FOXP4: variants seen among roughly 807,000 people sequenced by gnomAD.
FOXP4 encodes forkhead box protein P4.
In FOXP4, 25 loss-of-function variants were observed where a neutral mutation model predicts 82.6. That is an observed-to-expected ratio of 0.30 (90% confidence interval 0.22 to 0.42). FOXP4 has a LOEUF of 0.42. Ranked by LOEUF, FOXP4 falls within the 10% of genes least tolerant of loss-of-function variation. FOXP4 has a pLI of 1.00. For missense variants in FOXP4, 785 were observed against 900.9 expected (o/e 0.87, Z 1.65); for synonymous variants, 415 against 388.2 (o/e 1.07, Z -0.81).
chr6:41,580,067 T>TG (rs1765711530), intron 3 of FOXP4, among the ~76,000 whole-genome samples: 1 of 139,008 alleles, frequency 7.2e-6, no homozygotes, highest in South Asian at 2.2e-4. Flanking sequence ...TTTTTTGAGA[T>TG]GGAGTCTCTT....
rs1283962639 is a variant in FOXP4, at chr6:41,570,195, T to C, written c.204+4231T>C. On this transcript the variant is annotated intron_variant, in intron 2 of 16. Transcript: ENST00000307972. ...ACTGCTGGCTGTGTGCCCCAGATTC[T>C]ACTGTTTCCTGTCTGATCCCACACC... 1.7e-5 allele frequency: 7 copies of C among 415,196 alleles called. No individual in the cohort carries two copies. In the East Asian group the frequency reaches 5.1e-4, roughly 30 times the overall value. The allele number at this position is 415,196 out of a possible 1,614,324, so 25.7% of individuals were successfully genotyped here.
intron 3 of FOXP4, among the ~76,000 whole-genome samples, chr6:41,584,517 C>T (rs1765983395): frequency 2.0e-5 from 3 of 152,236 alleles, no homozygotes; most frequent in Non-Finnish European, 4.4e-5. Context: ...TTTAAGTATT[C>T]ACTGATTAGT....
intron 5 of FOXP4, among the ~76,000 whole-genome samples, chr6:41,586,782 GTGTT>G (rs1275563271): frequency 6.6e-6 from 1 of 152,212 alleles, no homozygotes; most frequent in Non-Finnish European, 1.5e-5. Context: ...CTGGCTGTGT[GTGTT>G]TGCGCGCGTG....
rs1386450589 is a variant in FOXP4, at chr6:41,597,941, C to T, written c.1886C>T (p.Pro629Leu). Residue 629 changes from proline to leucine, a missense_variant, in exon 16 of 17, where the codon CCC (proline) becomes CTC (leucine). This residue lies in a region of FOXP4 where 184 missense variants were observed against 187.3 expected (regional missense o/e 0.98). Coordinates refer to ENST00000307972, the MANE Select transcript of FOXP4 (RefSeq NM_001012426.2). The stretch of plus-strand genomic sequence containing the variant: ...AGCAGCCCTCCTCGCCTCTCCCCGC[C>T]CCAGTACAGGTGAGCACACAGCACG... ...GSSSPPRLSP[P>L]QYSHQVQVKE... 1.3e-5 allele frequency: 20 copies of T among 1,545,308 alleles called. No homozygotes were observed. The highest frequency in any genetic ancestry group is 1.7e-5 in the Non-Finnish European group (20 of 1,152,384).
chr6:41,582,012 G>A (rs542199903), intron 3 of FOXP4, among the ~76,000 whole-genome samples: 3 of 152,362 alleles, frequency 2.0e-5, no homozygotes, highest in African/African-American at 7.2e-5. Flanking sequence ...TCTCACAGCA[G>A]TGAGAATGAG....
chr6:41,570,562 C>A (rs73733281), intron 2 of FOXP4, among the ~76,000 whole-genome samples: 4,394 of 152,126 alleles, frequency 0.029, 206 homozygotes, highest in African/African-American at 0.097. Context: ...GGGGCTGGGG[C>A]CTGGAGGAGG....
At position 41,590,161 on chromosome 6, in the gene FOXP4, A is replaced by G. The variant is rs774237066; in HGVS notation, c.1348A>G (p.Ile450Val). 7 of 1,605,762 alleles carry G rather than the reference A, an allele frequency of 4.4e-6. No individual in the cohort carries two copies. The highest frequency in any genetic ancestry group is 5.1e-6 in the Non-Finnish European group (6 of 1,174,294). Reference protein sequence around the residue: ...RRSSDKFCSPISSELAQNHEF... With the variant: ...RRSSDKFCSPVSSELAQNHEF... ...AAGCAGTGACAAGTTCTGCTCCCCC[A>G]TCTCCTCAGGTGAGGGTGGGCTGGG... is the stretch of plus-strand genomic sequence containing the variant. Residue 450 changes from isoleucine to valine, a missense_variant, in exon 11 of 17, where the codon ATC becomes GTC. Physicochemically the swap from Ile to Val is conservative, Grantham distance 29. This residue lies in a region of FOXP4 where 570 missense variants were observed against 634.0 expected (regional missense o/e 0.90). Transcript: ENST00000307972.
At chr6:41,574,038 A>G (rs2127367019) in intron 2 of FOXP4, among the ~76,000 whole-genome samples, 1 of 152,180 alleles carries the variant, frequency 6.6e-6, no homozygotes, top group Middle Eastern at 3.4e-3. Flanking sequence ...GTTTTCCATA[A>G]TGGCTTCTTC....
intron 1 of FOXP4, among the ~76,000 whole-genome samples, chr6:41,547,842 G>C (rs1355137287): frequency 2.7e-5 from 4 of 145,466 alleles, no homozygotes; most frequent in Non-Finnish European, 4.4e-5. Flanking sequence ...CTCTCTGACC[G>C]GCGGCGCTTC....
intron 12 of FOXP4, among the ~76,000 whole-genome samples, chr6:41,590,953 C>A (rs373120994): frequency 2.6e-5 from 4 of 152,222 alleles, no homozygotes; most frequent in African/African-American, 9.7e-5. Flanking sequence ...CATTTTCTCT[C>A]CAGAAGCAGC....
chr6:41,585,259 C>T (rs563947440), intron 4 of FOXP4, among the ~76,000 whole-genome samples, 172 bp from the exon 5 acceptor site: 1 of 152,170 alleles, frequency 6.6e-6, no homozygotes, highest in Non-Finnish European at 1.5e-5. Context: ...ATCCCTTGCT[C>T]CCTCCCTCCG....
intron 5 of FOXP4, 36 bp downstream of exon 5, chr6:41,585,553 C>A: frequency 6.3e-7 from 1 of 1,591,592 alleles, no homozygotes; most frequent in Non-Finnish European, 8.6e-7. Flanking sequence ...ACCGCCCTCA[C>A]CCCCTGCCCA....
At chr6:41,597,675 G>T (rs1025640262) in intron 15 of FOXP4, 106 bp from the exon 16 acceptor site, 15 of 1,391,688 alleles carry the variant, frequency 1.1e-5, no homozygotes, top group Middle Eastern at 4.5e-4. Flanking sequence ...GGGCCAGTAG[G>T]CAGACACACA....
intron 3 of FOXP4, among the ~76,000 whole-genome samples, chr6:41,578,865 C>T (rs1765646306): frequency 6.6e-6 from 1 of 152,088 alleles, no homozygotes; most frequent in African/African-American, 2.4e-5. Context: ...CTCCCCCCAC[C>T]CCTCCCCCAG....
At chr6:41,586,936 G>C in intron 5 of FOXP4, 73 bp from the exon 6 acceptor site, 1 of 1,489,120 alleles carries the variant, frequency 6.7e-7, no homozygotes. Flanking sequence ...GGGTGGCCGC[G>C]GGGTGGGGGC....
chr6:41,594,468 C>G lies in FOXP4; in HGVS notation c.1537-402C>G, dbSNP rs184055985. Reference sequence around the variant, plus strand: ...CAGCTGAGATGAAGCATCCTGGGCTCGCAGAGATGCCGGGGCCCGAATGTG... The same window carrying G: ...CAGCTGAGATGAAGCATCCTGGGCTGGCAGAGATGCCGGGGCCCGAATGTG... On this transcript the variant is annotated intron_variant, in intron 13 of 16. Transcript: ENST00000307972. Among the ~76,000 whole-genome samples the G allele has an allele frequency of 2.8e-4, 42 of 152,300 alleles. 1 individual carries two copies. The South Asian group carries it at 6.8e-3, about 25-fold the overall frequency.
intron 2 of FOXP4, among the ~76,000 whole-genome samples, chr6:41,569,329 C>T (rs2127356958): frequency 6.6e-6 from 1 of 152,364 alleles, no homozygotes; most frequent in East Asian, 1.9e-4. Flanking sequence ...ACCATAGACA[C>T]ACCCGTGGCC....
chr6:41,577,084 T>C (rs1765528467), intron 2 of FOXP4, among the ~76,000 whole-genome samples: 1 of 152,078 alleles, frequency 6.6e-6, no homozygotes, highest in East Asian at 1.9e-4. Flanking sequence ...TCAGTTTACC[T>C]TCCGGGCCCC....
intron 2 of FOXP4, among the ~76,000 whole-genome samples, chr6:41,569,765 G>A (rs574438812): frequency 2.6e-5 from 4 of 152,280 alleles, no homozygotes; most frequent in East Asian, 3.9e-4. Flanking sequence ...CGAGGGTCAC[G>A]GGAGGGTTGC....
Sources: gnomAD v4.1 joint callset for allele counts (sites outside exome capture counted in the v4.1 genomes callset) on GRCh38, gnomAD v4.1.1 for gene constraint, gnomAD v4.1.1 regional missense constraint, MANE v1.5 for transcripts, NCBI Gene and HGNC (gene_info 2026-07-23, HGNC 2026-07-21) for gene names.